Variants in GRIK3 observed in about 807,000 individuals in gnomAD.
GRIK3 encodes glutamate receptor ionotropic, kainate 3.
In GRIK3, 29 loss-of-function variants were observed where a neutral mutation model predicts 102.5. The ratio of observed to expected loss-of-function variants is 0.28; its 90% CI spans 0.21 to 0.39. GRIK3 has a LOEUF of 0.39. Among genes scored for constraint, GRIK3 ranks in the 10% least tolerant of loss-of-function variants. GRIK3 has a pLI of 1.00. For synonymous variants in GRIK3, 511 were observed against 504.9 expected, an observed-to-expected ratio of 1.01 and a Z score of -0.16; for missense variants, 908 against 1,252.4, an observed-to-expected ratio of 0.73 and a Z score of 4.15.
intron 7 of GRIK3, among the ~76,000 whole-genome samples, chr1:36,854,339 A>G (rs528263815): frequency 7.2e-5 from 11 of 152,234 alleles, no homozygotes; most frequent in Non-Finnish European, 1.2e-4. Flanking sequence ...ATCTTACCAA[A>G]TGCTATAAGG....
At chr1:37,019,299 C>T (rs553902315) in intron 1 of GRIK3, among the ~76,000 whole-genome samples, 10 of 152,258 alleles carry the variant, frequency 6.6e-5, no homozygotes, top group East Asian at 1.9e-4. Flanking sequence ...CTCAGAACAA[C>T]GTAAGTGATA....
At position 36,805,034 on chromosome 1, in the gene GRIK3, C is replaced by T. The variant is rs773086718; in HGVS notation, c.2518G>A (p.Val840Met). The T allele has an allele frequency of 1.1e-5, 17 of 1,614,086 alleles. No individual in the cohort carries two copies. The highest frequency in any genetic ancestry group is 4.5e-5 in the East Asian group (2 of 44,890). Residue 840 changes from valine (V) to methionine (M), a missense_variant, in exon 15 of 16, where the codon GTG (valine) becomes ATG (methionine). Transcript: ENST00000373091. Reference protein sequence around the residue: ...AGLVLSVLVAVGEFVYKLRKT... With the variant: ...AGLVLSVLVAMGEFVYKLRKT... ...CGGAGCTTGTACACAAACTCGCCCA[C>T]GGCCACCAGCACAGAGAGGACCAGC...
At chr1:36,991,967 G>A (rs911679150) in intron 1 of GRIK3, among the ~76,000 whole-genome samples, 3 of 152,214 alleles carry the variant, frequency 2.0e-5, no homozygotes, top group Non-Finnish European at 4.4e-5. Context: ...CAGTAGATGG[G>A]CTGGGAAGGG....
intron 3 of GRIK3, among the ~76,000 whole-genome samples, chr1:36,873,425 C>T (rs924938810): frequency 1.1e-4 from 17 of 152,180 alleles, no homozygotes; most frequent in Non-Finnish European, 1.6e-4. Context: ...TTTCAAGGTC[C>T]ATTTTTGCTG....
At chr1:36,907,540 T>C (rs112094429) in intron 1 of GRIK3, among the ~76,000 whole-genome samples, 3 of 152,044 alleles carry the variant, frequency 2.0e-5, no homozygotes, top group African/African-American at 7.3e-5. Flanking sequence ...AAGATGGGCA[T>C]GGTCCAAAAC....
chr1:36,962,756 G>A (rs777766188), intron 1 of GRIK3, among the ~76,000 whole-genome samples: 39 of 151,540 alleles, frequency 2.6e-4, no homozygotes, highest in South Asian at 6.3e-4. Flanking sequence ...CAATACAAAC[G>A]GATAAAAAAT....
intron 6 of GRIK3, 127 bp from the exon 7 acceptor site, chr1:36,859,378 G>A (rs1640693293): frequency 9.9e-7 from 1 of 1,014,660 alleles, no homozygotes; most frequent in Admixed American, 2.5e-5. Flanking sequence ...AGGCCCAGAG[G>A]CCCTGGAGGT....
chr1:36,965,952 C>T (rs1053497733), intron 1 of GRIK3, among the ~76,000 whole-genome samples: 12 of 152,136 alleles, frequency 7.9e-5, no homozygotes, highest in African/African-American at 1.2e-4. Flanking sequence ...TGACTTGGGG[C>T]GGAAATGATT....
chr1:36,846,724 C>G (rs1250052646), intron 9 of GRIK3, among the ~76,000 whole-genome samples: 1 of 152,236 alleles, frequency 6.6e-6, no homozygotes, highest in Non-Finnish European at 1.5e-5. Context: ...GAGCCCAAGC[C>G]TGAGAGCATC....
chr1:36,961,395 T>C (rs1642006692), intron 1 of GRIK3, among the ~76,000 whole-genome samples: 1 of 76,552 alleles, frequency 1.3e-5, no homozygotes, highest in Non-Finnish European at 2.5e-5. Context: ...AATTATCCCA[T>C]CAGAGGAAAA....
intron 1 of GRIK3, among the ~76,000 whole-genome samples, chr1:36,937,060 G>A (rs940954189): frequency 6.6e-6 from 1 of 152,174 alleles, no homozygotes; most frequent in African/African-American, 2.4e-5. Context: ...TTTCATGTTG[G>A]CTTAGCTGAA....
intron 1 of GRIK3, among the ~76,000 whole-genome samples, chr1:36,982,692 TCA>T (rs1642262166): frequency 6.6e-6 from 1 of 152,008 alleles, no homozygotes. Flanking sequence ...TCCAGTCAAC[TCA>T]CTGGTCAGGA....
At chr1:36,988,348 C>A (rs914435691) in intron 1 of GRIK3, among the ~76,000 whole-genome samples, 1 of 152,254 alleles carries the variant, frequency 6.6e-6, no homozygotes, top group Non-Finnish European at 1.5e-5. Flanking sequence ...AGCTCCGGTT[C>A]CAGGGCATTG....
At chr1:37,006,680 G>A (rs1423720179) in intron 1 of GRIK3, among the ~76,000 whole-genome samples, 2 of 152,254 alleles carry the variant, frequency 1.3e-5, no homozygotes, top group African/African-American at 4.8e-5. Context: ...AGACATCAGA[G>A]CAGGAGCTCT....
chr1:36,924,518 G>A (rs527597680), intron 1 of GRIK3, among the ~76,000 whole-genome samples: 10 of 152,176 alleles, frequency 6.6e-5, no homozygotes, highest in Non-Finnish European at 7.4e-5. Context: ...TGGGTGCTGA[G>A]CCCCTATCAC....
intron 2 of GRIK3, among the ~76,000 whole-genome samples, chr1:36,881,964 G>A (rs1640984666): frequency 6.6e-6 from 1 of 152,068 alleles, no homozygotes; most frequent in Non-Finnish European, 1.5e-5. Context: ...CTCTCTGGCT[G>A]GAATGCTCTT....
intron 1 of GRIK3, among the ~76,000 whole-genome samples, chr1:36,902,812 CAG>C (rs1452818979): frequency 6.6e-6 from 1 of 151,218 alleles, no homozygotes; most frequent in African/African-American, 2.4e-5. Context: ...TTTTTTGAAA[CAG>C]GGTCTTGCTC....
At chr1:36,831,971 T>C (rs1484648903) in intron 10 of GRIK3, among the ~76,000 whole-genome samples, 1 of 152,038 alleles carries the variant, frequency 6.6e-6, no homozygotes, top group Non-Finnish European at 1.5e-5. Context: ...CTGGAACCTC[T>C]TCCTCCCCAA....
At chr1:36,999,118 G>T (rs1453271551) in intron 1 of GRIK3, among the ~76,000 whole-genome samples, 1 of 152,042 alleles carries the variant, frequency 6.6e-6, no homozygotes, top group Non-Finnish European at 1.5e-5. Context: ...GAGTAGAGTG[G>T]AAGGTTCAAG....
Sources: allele counts gnomAD v4.1 joint callset (sites outside exome capture counted in the v4.1 genomes callset), GRCh38; gene constraint gnomAD v4.1.1; transcripts MANE v1.5; gene names NCBI Gene and HGNC (gene_info 2026-07-23, HGNC 2026-07-21).